Variants in DMD observed in about 807,000 individuals in gnomAD.
The protein encoded by DMD is mutant dystrophin.
In DMD, 63 loss-of-function variants were observed where a neutral mutation model predicts 330.1. That is an observed-to-expected ratio of 0.19 (90% confidence interval 0.16 to 0.24). The LOEUF is 0.24. DMD is among the 10% of genes least tolerant of loss of function. The pLI is 1.00. For synonymous variants in DMD, 1,223 were observed against 959.8 expected (o/e 1.27, Z -5.07); for missense variants, 3,344 against 2,684.1 (o/e 1.25, Z -5.43).
intron 44 of DMD, among the ~76,000 whole-genome samples, chrX:32,156,013 CA>C (rs2096828621): frequency 2.2e-5 from 2 of 91,964 alleles, no homozygotes; most frequent in African/African-American, 7.4e-5. Context: ...CACACACACA[CA>C]CACCTGTATA....
At chrX:31,816,294 T>C (rs1210723311) in intron 50 of DMD, among the ~76,000 whole-genome samples, 1 of 111,450 alleles carries the variant, frequency 9.0e-6, no homozygotes, top group Non-Finnish European at 1.9e-5. Flanking sequence ...GCCACCCCAT[T>C]ATAATTTATA....
At chrX:32,130,852 A>G (rs763349977) in intron 44 of DMD, among the ~76,000 whole-genome samples, 8 of 111,897 alleles carry the variant, frequency 7.1e-5, no homozygotes, top group Non-Finnish European at 1.5e-4. Context: ...CACACTGCTC[A>G]CTTTTCTGTA....
Position 32,013,093 on chromosome X carries a change from C to CTTTTTTTTTTTTTTTTTTTTTTT in DMD, c.6439-44580_6439-44579insAAAAAAAAAAAAAAAAAAAAAAA, listed in dbSNP as rs754162660. Among the ~76,000 whole-genome samples, 31 of 61,157 alleles carry CTTTTTTTTTTTTTTTTTTTTTTT rather than the reference C, an allele frequency of 5.1e-4. 3 individuals are homozygous for CTTTTTTTTTTTTTTTTTTTTTTT. Among genetic ancestry groups the CTTTTTTTTTTTTTTTTTTTTTTT allele is most frequent in the African/African-American group, 1.6e-3 (20 of 12,321 alleles). 53.1% of individuals were successfully genotyped at this position (61,157 alleles called of 115,157 possible). A position where few individuals can be genotyped will look rare whatever the true frequency, so the allele number is the denominator to read the frequency against. On this transcript the variant is annotated intron_variant, in intron 44 of 78. Transcript: ENST00000357033. Reference sequence around the variant, plus strand: ...GGAAATTAATCTTTTCTTTTCTTTCCTTTTTTTTTTTTTGAGATGGAATCT... The same window carrying CTTTTTTTTTTTTTTTTTTTTTTT: ...GGAAATTAATCTTTTCTTTTCTTTCCTTTTTTTTTTTTTTTTTTTTTTTTTTTTTTTTTTTTGAGATGGAATCT...
At chrX:32,030,101 G>T (rs1261356464) in intron 44 of DMD, among the ~76,000 whole-genome samples, 2 of 111,821 alleles carry the variant, frequency 1.8e-5, no homozygotes, top group African/African-American at 6.5e-5. Flanking sequence ...CTTGAGAATG[G>T]AGTTAAAAAA....
rs2097114509 is a variant in DMD, at chrX:32,216,942, G to A, written c.6412C>T (p.His2138Tyr). The A allele has an allele frequency of 1.7e-6, 2 of 1,209,005 alleles. No homozygotes were observed. Among genetic ancestry groups the A allele is most frequent in the East Asian group, 3.0e-5 (1 of 33,764 alleles). The change falls in exon 44 of 79, where the codon CAT becomes TAT. Residue 2138 changes from histidine (H) to tyrosine (Y), a missense_variant. Transcript: ENST00000357033. The part of the protein sequence containing the change: ...RKTQIPENWE[H>Y]AKYKWYLKEL... ...TTAAGATACCATTTGTATTTAGCAT[G>A]TTCCCAATTCTCAGGAATTTGTGTC... is the stretch of plus-strand genomic sequence containing the variant.
At chrX:31,822,653 G>GGGGGGGTGTGTGTGTGTGT (rs58903799) in intron 49 of DMD, among the ~76,000 whole-genome samples, 1 of 65,809 alleles carries the variant, frequency 1.5e-5, no homozygotes, top group Non-Finnish European at 2.6e-5. Flanking sequence ...AAGGCAGAGG[G>GGGGGGGTGTGTGTGTGTGT]GTGTGTGTGT....
chrX:32,292,297 A>ATAT (rs2097474474), intron 42 of DMD, among the ~76,000 whole-genome samples: 1 of 38,732 alleles, frequency 2.6e-5, no homozygotes, highest in Non-Finnish European at 4.1e-5. Context: ...AACAAAGGGA[A>ATAT]TATTCTTTTT....
chrX:31,729,870 T>A (rs1219814220), intron 51 of DMD, 122 bp from the exon 52 acceptor site: 1 of 579,405 alleles, frequency 1.7e-6, no homozygotes, highest in South Asian at 2.5e-5. Flanking sequence ...AAAAAGATGT[T>A]ACTGTATAAG....
At chrX:32,046,941 T>C (rs944353330) in intron 44 of DMD, among the ~76,000 whole-genome samples, 8 of 111,535 alleles carry the variant, frequency 7.2e-5, no homozygotes, top group African/African-American at 2.6e-4. Context: ...ATGTCTCTAC[T>C]CTTTGTTTTT....
intron 42 of DMD, among the ~76,000 whole-genome samples, chrX:32,289,911 C>T (rs11797899): frequency 0.11 from 12,595 of 111,266 alleles, 674 homozygotes; most frequent in Admixed American, 0.15. Flanking sequence ...GCACTGCCTA[C>T]GGAGTGGCCA....
chrX:31,577,623 G>A (rs1174750789), intron 55 of DMD, among the ~76,000 whole-genome samples: 1 of 112,224 alleles, frequency 8.9e-6, no homozygotes, highest in Non-Finnish European at 1.9e-5. Flanking sequence ...TTCTTATGTG[G>A]CTGGGAAAGG....
intron 1 of DMD, among the ~76,000 whole-genome samples, chrX:33,036,319 T>C (rs1046819407): frequency 2.7e-5 from 3 of 112,001 alleles, no homozygotes; most frequent in African/African-American, 9.7e-5. Context: ...ATAATTGTAA[T>C]TGCATTGCAC....
intron 1 of DMD, among the ~76,000 whole-genome samples, chrX:33,064,952 G>A (rs377386377): frequency 7.1e-5 from 8 of 111,892 alleles, no homozygotes; most frequent in South Asian, 7.4e-4. Flanking sequence ...ACCATTCTAC[G>A]AAGTAAGAAC....
chrX:32,907,677 A>G (rs2086838506), intron 2 of DMD, among the ~76,000 whole-genome samples: 1 of 112,046 alleles, frequency 8.9e-6, no homozygotes, highest in Admixed American at 9.5e-5. Flanking sequence ...TCACTAAGGG[A>G]ATTTTTAGCC....
intron 62 of DMD, among the ~76,000 whole-genome samples, chrX:31,293,204 AGTGTGTGTGTGTGTGTGTGTGT>A (rs559104990): frequency 1.0e-4 from 6 of 58,482 alleles, no homozygotes; most frequent in Non-Finnish European, 1.6e-4. Context: ...AGTCTGGTTT[AGTGTGTGTGTGTGTGTGTGTGT>A]GTGTGTGTGT....
intron 67 of DMD, among the ~76,000 whole-genome samples, chrX:31,192,819 C>A (rs747926935): frequency 8.9e-6 from 1 of 111,923 alleles, no homozygotes; most frequent in Non-Finnish European, 1.9e-5. Context: ...AAAAGCAAGG[C>A]GATCCCCAAA....
chrX:31,475,817 T>C (rs1385374420), intron 59 of DMD, among the ~76,000 whole-genome samples: 1 of 111,687 alleles, frequency 9.0e-6, no homozygotes, highest in Admixed American at 9.5e-5. Flanking sequence ...ACTATTTTAA[T>C]GAAGAGCTAT....
chrX:33,271,745 G>A (rs1280193977), intron 1 of DMD, among the ~76,000 whole-genome samples: 4 of 85,977 alleles, frequency 4.7e-5, no homozygotes, highest in East Asian at 3.6e-4. Flanking sequence ...CAGCCTGGGC[G>A]ACAAAGCGAG....
intron 2 of DMD, among the ~76,000 whole-genome samples, chrX:32,999,191 G>A (rs895832841): frequency 5.3e-5 from 6 of 112,896 alleles, no homozygotes; most frequent in Admixed American, 1.9e-4. Context: ...TTTGAAGCAA[G>A]CTTGTCCAAC....
Sources: gnomAD v4.1 joint callset for allele counts (sites outside exome capture counted in the v4.1 genomes callset) on GRCh38, gnomAD v4.1.1 for gene constraint, MANE v1.5 for transcripts, NCBI Gene and HGNC (gene_info 2026-07-23, HGNC 2026-07-21) for gene names.